The following AFAP1L2 variants were observed in gnomAD, a reference collection of about 807,000 sequenced individuals.
The protein encoded by AFAP1L2 is actin filament associated protein 1 like 2, also known as actin filament-associated protein 1-like 2.
A neutral mutation model predicts 99.3 loss-of-function variants in AFAP1L2; 46 were observed. That is an observed-to-expected ratio of 0.46 (90% CI 0.37 to 0.59). The LOEUF (loss-of-function observed/expected upper bound fraction) is 0.59. Among genes scored for constraint, AFAP1L2 ranks in the 20% least tolerant of loss-of-function variants. The pLI, the probability that AFAP1L2 is intolerant of heterozygous loss-of-function variation, is 0.00. For missense variants in AFAP1L2, 959 were observed against 1,034.9 expected (o/e 0.93, Z 1.01); for synonymous variants, 397 against 419.1 (o/e 0.95, Z 0.64).
intron 1 of AFAP1L2, among the ~76,000 whole-genome samples, chr10:114,390,365 T>G (rs565989314): frequency 1.6e-4 from 24 of 152,300 alleles, no homozygotes; most frequent in Admixed American, 2.6e-4. Context: ...TGCCCCCTTA[T>G]GGACCCATGC....
In AFAP1L2 at chr10:114,304,703, T is replaced by C. The variant is rs757856847; in HGVS notation, c.1284+16A>G. On this transcript the variant is annotated intron_variant, in intron 11 of 18. Coordinates refer to ENST00000304129, the MANE Select transcript of AFAP1L2 (RefSeq NM_001001936.3). ...ACACCCTGGCTGGCCCTGCTCCCCC[T>C]GCAGGCCGGCGGTACCTCAAGCTTG... 12 of 1,589,492 alleles carry C rather than the reference T, an allele frequency of 7.5e-6. No individual in the cohort carries two copies. Among genetic ancestry groups the C allele is most frequent in the Non-Finnish European group, 1.0e-5 (12 of 1,170,338 alleles).
intron 5 of AFAP1L2, among the ~76,000 whole-genome samples, chr10:114,322,034 C>T (rs1323398063): frequency 6.6e-6 from 1 of 152,016 alleles, no homozygotes; most frequent in Non-Finnish European, 1.5e-5. Context: ...ATGCTGTTCT[C>T]GTGATAGTGA....
intron 1 of AFAP1L2, among the ~76,000 whole-genome samples, chr10:114,371,808 A>C (rs994778455): frequency 1.4e-4 from 20 of 145,380 alleles, no homozygotes; most frequent in African/African-American, 3.3e-4. Context: ...TTAAAGTACA[A>C]TTATAAAAAA....
chr10:114,301,268 C>T lies in AFAP1L2; in HGVS notation c.1542+86G>A, dbSNP rs983113780. On this transcript the variant is annotated intron_variant, in intron 13 of 18. Transcript: ENST00000304129. The stretch of plus-strand genomic sequence containing the variant: ...ACCCACTCATCTCATCTCAGGGATA[C>T]TCTAATGATCTCTGGCATCCAGGTG... The T allele has an allele frequency of 3.5e-5, 40 of 1,137,134 alleles. No homozygotes were observed. The Middle Eastern group carries it at 8.0e-4, about 23-fold the overall frequency. 70.4% of individuals were successfully genotyped at this position (1,137,134 alleles called of 1,614,324 possible). A position where few individuals can be genotyped will look rare whatever the true frequency, so the allele number is the denominator to read the frequency against.
intron 10 of AFAP1L2, among the ~76,000 whole-genome samples, chr10:114,305,706 T>A (rs1276769801): frequency 1.3e-4 from 8 of 63,578 alleles, no homozygotes; most frequent in Admixed American, 2.0e-4. Context: ...GGAGCGGGGC[T>A]GGAGGGGACG....
At chr10:114,358,832 T>C (rs1262531931) in intron 1 of AFAP1L2, among the ~76,000 whole-genome samples, 1 of 152,062 alleles carries the variant, frequency 6.6e-6, no homozygotes, top group Admixed American at 6.6e-5. Flanking sequence ...GGAGAATCGC[T>C]TGAACCCGGG....
At chr10:114,313,533 G>A (rs1413794509) in intron 7 of AFAP1L2, among the ~76,000 whole-genome samples, 1 of 152,144 alleles carries the variant, frequency 6.6e-6, no homozygotes, top group East Asian at 1.9e-4. Context: ...GGTTACGTGG[G>A]TTAAAGATGC....
At chr10:114,369,788 A>G (rs1268438964) in intron 1 of AFAP1L2, among the ~76,000 whole-genome samples, 1 of 152,154 alleles carries the variant, frequency 6.6e-6, no homozygotes, top group Non-Finnish European at 1.5e-5. Flanking sequence ...TATAATATGT[A>G]TACGTACTGC....
At chr10:114,330,810 A>C (rs2047123516) in intron 4 of AFAP1L2, among the ~76,000 whole-genome samples, 1 of 152,226 alleles carries the variant, frequency 6.6e-6, no homozygotes, top group African/African-American at 2.4e-5. Flanking sequence ...AACGAGAGAC[A>C]AGGTCCTTGT....
rs369500918 is a variant in AFAP1L2 at position 114,327,147 on chromosome 10, T to TTATA, written c.316-3890_316-3887dup. Among the ~76,000 whole-genome samples, 61 of 54,566 alleles carry TTATA rather than the reference T, an allele frequency of 1.1e-3. 3 individuals carry two copies. The highest frequency in any genetic ancestry group is 2.1e-3 in the African/African-American group (51 of 24,602). 35.8% of individuals were successfully genotyped at this position (54,566 alleles called of 152,430 possible). On this transcript the variant is annotated intron_variant, in intron 4 of 18. Transcript: ENST00000304129. ...TGAAGACCGTGAATTTTATATATAT[T>TTATA]TATATATATATATATATATATATAT... is the stretch of plus-strand genomic sequence containing the variant.
chr10:114,340,878 G>C (rs1343915943), intron 1 of AFAP1L2, 147 bp from the exon 2 acceptor site: 15 of 1,119,484 alleles, frequency 1.3e-5, no homozygotes, highest in African/African-American at 4.6e-5. Context: ...AGCGTATGGG[G>C]GGACTGGGCA....
chr10:114,304,716 T>C lies in AFAP1L2; in HGVS notation c.1284+3A>G. 4 of 1,597,312 alleles carry C rather than the reference T, an allele frequency of 2.5e-6. No homozygotes were observed. The highest frequency in any genetic ancestry group is 3.4e-6 in the Non-Finnish European group (4 of 1,173,518). On this transcript the variant is annotated splice_donor_region_variant and intron_variant, in intron 11 of 18. Coordinates refer to ENST00000304129, the MANE Select transcript of AFAP1L2 (RefSeq NM_001001936.3). Reference sequence around the variant, plus strand: ...CCCTGCTCCCCCTGCAGGCCGGCGGTACCTCAAGCTTGGCCAGCTCCTCGC... The same window carrying C: ...CCCTGCTCCCCCTGCAGGCCGGCGGCACCTCAAGCTTGGCCAGCTCCTCGC...
intron 1 of AFAP1L2, among the ~76,000 whole-genome samples, chr10:114,389,687 C>T (rs1434355717): frequency 2.0e-5 from 3 of 152,194 alleles, no homozygotes; most frequent in African/African-American, 2.4e-5. Flanking sequence ...GCATCTCCCC[C>T]GTTCTGTGAC....
At chr10:114,369,645 G>A (rs1441702703) in intron 1 of AFAP1L2, among the ~76,000 whole-genome samples, 5 of 146,446 alleles carry the variant, frequency 3.4e-5, no homozygotes, top group Admixed American at 6.8e-5. Context: ...TCATACATAC[G>A]AAGTAGAGAA....
chr10:114,345,229 G>A (rs1046297434), intron 1 of AFAP1L2, among the ~76,000 whole-genome samples: 4 of 152,104 alleles, frequency 2.6e-5, no homozygotes, highest in African/African-American at 4.8e-5. Flanking sequence ...GAGGTGGGTG[G>A]GGGTGGGCCT....
intron 1 of AFAP1L2, among the ~76,000 whole-genome samples, chr10:114,391,717 A>C (rs545801361): frequency 6.6e-6 from 1 of 152,336 alleles, no homozygotes; most frequent in East Asian, 1.9e-4. Context: ...GCCAGGGTCA[A>C]GGTGTCAAGG....
chr10:114,356,275 A>G (rs2051365525), intron 1 of AFAP1L2, among the ~76,000 whole-genome samples: 1 of 152,208 alleles, frequency 6.6e-6, no homozygotes, highest in Non-Finnish European at 1.5e-5. Flanking sequence ...ATTTATAGTA[A>G]GTGGGATAAA....
chr10:114,352,354 G>C (rs1216319021), intron 1 of AFAP1L2, among the ~76,000 whole-genome samples: 1 of 151,880 alleles, frequency 6.6e-6, no homozygotes, highest in East Asian at 1.9e-4. Context: ...CAAGCCTGTA[G>C]TCCCAGCTAG....
At chr10:114,398,891 G>A (rs1565102690) in intron 1 of AFAP1L2, 1 of 1,304,346 alleles carries the variant, frequency 7.7e-7, no homozygotes, top group Non-Finnish European at 1.0e-6. Context: ...CCACCAGACA[G>A]CAACACCCCT....
Sources: allele counts gnomAD v4.1 joint callset (sites outside exome capture counted in the v4.1 genomes callset), GRCh38; gene constraint gnomAD v4.1.1; transcripts MANE v1.5; gene names NCBI Gene and HGNC (gene_info 2026-07-23, HGNC 2026-07-21).